The following IFI6 variants were observed in gnomAD, a reference collection of about 807,000 sequenced individuals.
The protein encoded by IFI6 is interferon alpha-inducible protein 6.
A neutral mutation model predicts 12.7 loss-of-function variants in IFI6; 10 were observed. The ratio of observed to expected loss-of-function variants is 0.79; its 90% CI spans 0.49 to 1.33. The LOEUF (loss-of-function observed/expected upper bound fraction) is 1.33, where lower values mean the gene tolerates loss of function less well. Ranked by LOEUF, IFI6 falls within the 40% of genes most tolerant of loss-of-function variation. The pLI is 0.00. For missense variants in IFI6, 154 were observed against 180.4 expected, an observed-to-expected ratio of 0.85 and a Z score of 0.84; for synonymous variants, 89 against 86.2, an observed-to-expected ratio of 1.03 and a Z score of -0.18.
At chr1:27,666,819 T>C (rs563881001) in intron 4 of IFI6, among the ~76,000 whole-genome samples, 4 of 152,238 alleles carry the variant, frequency 2.6e-5, no homozygotes, top group African/African-American at 7.2e-5. Context: ...CTATGTGCCA[T>C]GTGAGAGGAC....
intron 4 of IFI6, among the ~76,000 whole-genome samples, chr1:27,667,519 C>T (rs550942142): frequency 7.2e-5 from 11 of 152,298 alleles, no homozygotes; most frequent in Admixed American, 7.2e-4. Context: ...CAAGTCAAGA[C>T]CAGTTTGGTG....
chr1:27,667,157 A>G (rs1453873498), intron 4 of IFI6, among the ~76,000 whole-genome samples: 1 of 145,330 alleles, frequency 6.9e-6, no homozygotes, highest in Non-Finnish European at 1.5e-5. Flanking sequence ...CAGTCTCAAC[A>G]CTTTGGGAGG....
At chr1:27,669,572 G>A (rs995064803) in intron 1 of IFI6, 5 of 491,434 alleles carry the variant, frequency 1.0e-5, no homozygotes, top group Non-Finnish European at 1.9e-5. Context: ...GGATTCGCAC[G>A]GTGTTTGGCA....
chr1:27,669,446 C>G, intron 1 of IFI6, 100 bp from the exon 2 acceptor site: 1 of 730,412 alleles, frequency 1.4e-6, no homozygotes. Context: ...TAAAAAGCAG[C>G]GAGGTGTGGT....
Position 27,668,344 on chromosome 1 carries a change from G to A in IFI6, c.180C>T (p.Gly60=). 6.4e-7 allele frequency: 1 copy of A among 1,569,062 alleles called. No homozygotes were observed. The highest frequency in any genetic ancestry group is 1.8e-5 in the Admixed American group (1 of 54,830). The change falls in exon 4 of 5, where the codon GGC becomes GGT. Residue 60 remains glycine (G), a synonymous_variant. Coordinates refer to ENST00000361157, the MANE Select transcript of IFI6 (RefSeq NM_002038.4). ...GLAVAGLPAL[G]FTGAGIAANS... is the part of the protein sequence containing the mutation. Reference sequence around the variant, plus strand: ...TGGCCGCGATGCCGGCGCCGGTGAAGCCCAGCGCGGGCAGCCCGGCGACTG... The same window carrying A: ...TGGCCGCGATGCCGGCGCCGGTGAAACCCAGCGCGGGCAGCCCGGCGACTG...
At chr1:27,668,780 A>G (rs1303216377) in intron 2 of IFI6, among the ~76,000 whole-genome samples, 1 of 152,042 alleles carries the variant, frequency 6.6e-6, no homozygotes, top group Non-Finnish European at 1.5e-5. Flanking sequence ...GACTCTGGCG[A>G]CACCAACCCT....
chr1:27,667,217 A>G (rs1003251890), intron 4 of IFI6, among the ~76,000 whole-genome samples: 3 of 147,156 alleles, frequency 2.0e-5, no homozygotes, highest in Non-Finnish European at 4.5e-5. Context: ...CATCCTGGGC[A>G]ACACAATGAG....
chr1:27,668,433 C>T lies in IFI6; in HGVS notation c.148+25G>A, dbSNP rs199762609. 217 of 1,602,334 alleles carry T rather than the reference C, an allele frequency of 1.4e-4. No homozygotes were observed. In the East Asian group the frequency reaches 4.6e-3, roughly 34 times the overall value. ...GCGGCAGAGGCCCGCCCCGCCTGCC[C>T]GAGATCCTCGCCCTCCAGACCCACC... On this transcript the variant is annotated intron_variant, in intron 3 of 4. Transcript: ENST00000361157.
chr1:27,666,154 A>C lies in IFI6; in HGVS notation c.*227T>G. The C allele has an allele frequency of 2.5e-6, 1 of 406,150 alleles. No individual in the cohort carries two copies. Among genetic ancestry groups the C allele is most frequent in the East Asian group, 3.9e-5 (1 of 25,496 alleles). The allele number at this position is 406,150 out of a possible 1,614,324, so 25.2% of individuals were successfully genotyped here. On this transcript the variant is annotated 3_prime_UTR_variant, in exon 5 of 5. Transcript: ENST00000361157. ...TCTGGATTCTGGGCATCGTCGGCGC[A>C]TGCTTGTAATCCTACTTGGGAGGTT...
rs766053885 is a variant in IFI6, at chr1:27,668,307, C to T, written c.217G>A (p.Ala73Thr). Residue 73 changes from alanine to threonine, a missense_variant, in exon 4 of 5, where the codon GCC becomes ACC. Transcript: ENST00000361157. The part of the protein sequence containing the change: ...GAGIAANSVA[A>T]SLMSWSAILN... ...ATCGCAGACCAGCTCATCAGCGAGG[C>T]AGCCACCGAGTTGGCCGCGATGCCG... The T allele has an allele frequency of 3.8e-6, 6 of 1,579,700 alleles. No homozygotes were observed. The highest frequency in any genetic ancestry group is 5.1e-6 in the Non-Finnish European group (6 of 1,165,556).
In IFI6 at chr1:27,667,240, CAAAAAAAAA is replaced by C. The variant is rs761365595; in HGVS notation, c.299-774_299-766del. Reference sequence around the variant, plus strand: ...GCAACACAATGAGACCCCGTCTCTACAAAAAAAAAAAAAAAAAAAAAAAAAAAAGCCAGT... The same window carrying C: ...GCAACACAATGAGACCCCGTCTCTACAAAAAAAAAAAAAAAAAAAGCCAGT... On this transcript the variant is annotated intron_variant, in intron 4 of 4. Transcript: ENST00000361157. Among the ~76,000 whole-genome samples, 7 of 12,282 alleles carry C rather than the reference CAAAAAAAAA, an allele frequency of 5.7e-4. No individual in the cohort carries two copies. The East Asian group carries it at 0.01, about 18-fold the overall frequency. The allele number at this position is 12,282 out of a possible 152,430, so 8.1% of individuals were successfully genotyped here. A position where few individuals can be genotyped will look rare whatever the true frequency, so the allele number is the denominator to read the frequency against.
At position 27,668,998 on chromosome 1, in the gene IFI6, TCC is replaced by T. The variant is rs1557756199; in HGVS notation, c.70+245_70+246del. Among the ~76,000 whole-genome samples, 10 of 11,676 alleles carry T rather than the reference TCC, an allele frequency of 8.6e-4. 1 individual carries two copies. Among genetic ancestry groups the T allele is most frequent in the Admixed American group, 6.4e-3 (3 of 472 alleles). The allele number at this position is 11,676 out of a possible 152,430, so 7.7% of individuals were successfully genotyped here. ...ATCCTTACCCACATCCTTACCTGCA[TCC>T]TTACCCGCATCCTTACCCGCACCCT... is the stretch of plus-strand genomic sequence containing the variant. On this transcript the variant is annotated intron_variant, in intron 2 of 4. Transcript: ENST00000361157.
At chr1:27,668,940 C>T (rs532636360) in intron 2 of IFI6, among the ~76,000 whole-genome samples, 1 of 152,082 alleles carries the variant, frequency 6.6e-6, no homozygotes, top group African/African-American at 2.4e-5. Context: ...TACCTGCACC[C>T]TTATCTGTTC....
At position 27,669,362 on chromosome 1, in the gene IFI6, AGGGAGAT is replaced by A. The variant is rs142105357; in HGVS notation, c.-32-23_-32-17del. ...GTCACTAGACCTGCGAACGGGCGAG[AGGGAGAT>A]GGTCCCCGGAGCATTTTTGGAGCTC... On this transcript the variant is annotated splice_polypyrimidine_tract_variant and intron_variant, in intron 1 of 4. Transcript: ENST00000361157. 0.028 allele frequency: 41,212 copies of A among 1,491,036 alleles called. 722 individuals carry two copies. The highest frequency in any genetic ancestry group is 0.034 in the Non-Finnish European group (37,344 of 1,092,388). The allele number at this position is 1,491,036 out of a possible 1,614,324, so 92.4% of individuals were successfully genotyped here.
intron 1 of IFI6, among the ~76,000 whole-genome samples, chr1:27,669,753 T>C (rs2090390079): frequency 6.6e-6 from 1 of 152,242 alleles, no homozygotes; most frequent in Non-Finnish European, 1.5e-5. Flanking sequence ...GTTAATTTAA[T>C]AACTGTTCCA....
At position 27,668,226 on chromosome 1, in the gene IFI6, C is replaced by G; in HGVS notation, c.298G>C (p.Gly100Arg). Residue 100 changes from glycine to arginine, a missense_variant and splice_region_variant, in exon 4 of 5, where the codon GGG becomes CGG. Gly to Arg is a moderately radical substitution (Grantham distance 125, BLOSUM62 -2). Transcript: ENST00000361157. Reference sequence around the variant, plus strand: ...CCAGGGGCCCAGGCCCCGCACTCACCGAGGCTCTGCAGCGTGGCCACTAGC... The same window carrying G: ...CCAGGGGCCCAGGCCCCGCACTCACGGAGGCTCTGCAGCGTGGCCACTAGC... ...GGLVATLQSL[G>R]AGGSSVVIGN... The G allele has an allele frequency of 6.5e-7, 1 of 1,537,692 alleles. No individual in the cohort carries two copies. The highest frequency in any genetic ancestry group is 8.7e-7 in the Non-Finnish European group (1 of 1,149,288).
chr1:27,671,445 A>G (rs2090403760), intron 1 of IFI6, among the ~76,000 whole-genome samples: 1 of 147,572 alleles, frequency 6.8e-6, no homozygotes, highest in South Asian at 2.1e-4. Context: ...CAGTGGCGCA[A>G]TCTCATCTCA....
In IFI6 at chr1:27,666,235, C is replaced by T. The variant is rs1028192329; in HGVS notation, c.*146G>A. ...TGGAGGCTGCAGTGTACTATGTTCG[C>T]ATCTGTGAATAGCCACTGCACTCTA... is the stretch of plus-strand genomic sequence containing the variant. On this transcript the variant is annotated 3_prime_UTR_variant, in exon 5 of 5. Coordinates refer to ENST00000361157, the MANE Select transcript of IFI6 (RefSeq NM_002038.4). 518 of 536,136 alleles carry T rather than the reference C, an allele frequency of 9.7e-4. 6 individuals carry two copies. Among genetic ancestry groups the T allele is most frequent in the Non-Finnish European group, 1.6e-4 (51 of 318,278 alleles). 33.2% of individuals were successfully genotyped at this position (536,136 alleles called of 1,614,324 possible). A position where few individuals can be genotyped will look rare whatever the true frequency, so the allele number is the denominator to read the frequency against.
At chr1:27,669,030 T>TGCATCCTTACCCGCATCCTTACCC (rs1557756252) in intron 2 of IFI6, among the ~76,000 whole-genome samples, 2 of 148,158 alleles carry the variant, frequency 1.3e-5, no homozygotes, top group Admixed American at 6.7e-5. Flanking sequence ...CACCCTTACC[T>TGCATCCTTACCCGCATCCTTACCC]GCATCCTTAC....
Sources: gnomAD v4.1 joint callset for allele counts (sites outside exome capture counted in the v4.1 genomes callset) on GRCh38, gnomAD v4.1.1 for gene constraint, MANE v1.5 for transcripts, NCBI Gene and HGNC (gene_info 2026-07-23, HGNC 2026-07-21) for gene names.